CNIH3: variants seen among roughly 807,000 people sequenced by gnomAD.
The protein encoded by CNIH3 is protein cornichon homolog 3.
A neutral mutation model predicts 24.1 loss-of-function variants in CNIH3; 14 were observed. The observed-to-expected ratio is 0.58, with a 90% CI of 0.38 to 0.91. The LOEUF is 0.91. CNIH3 is among the 40% of genes least tolerant of loss of function. CNIH3 has a pLI of 0.00. For missense variants in CNIH3, 178 were observed against 196.8 expected, an observed-to-expected ratio of 0.90 and a Z score of 0.57; for synonymous variants, 68 against 73.8, an observed-to-expected ratio of 0.92 and a Z score of 0.40.
chr1:224,522,933 A>G (rs1390961697), intron 2 of CNIH3, among the ~76,000 whole-genome samples: 4 of 152,206 alleles, frequency 2.6e-5, no homozygotes, highest in Non-Finnish European at 5.9e-5. Flanking sequence ...TGTGTAAGAA[A>G]AAACACAAAA....
At chr1:224,685,587 CTACAGGCCA>C (rs376069660) in intron 3 of CNIH3, among the ~76,000 whole-genome samples, 16 of 152,324 alleles carry the variant, frequency 1.1e-4, no homozygotes, top group African/African-American at 3.6e-4. Flanking sequence ...AGTGGATGAA[CTACAGGCCA>C]TATGAAAGCC....
rs71572901 is a variant in CNIH3 at position 224,462,897 on chromosome 1, CTT to C, written n.203+28058_203+28059del. Among the ~76,000 whole-genome samples the C allele has an allele frequency of 8.2e-3, 600 of 73,420 alleles. 2 individuals carry two copies. The highest frequency in any genetic ancestry group is 0.024 in the East Asian group (50 of 2,106). The allele number at this position is 73,420 out of a possible 152,430, so 48.2% of individuals were successfully genotyped here. A position where few individuals can be genotyped will look rare whatever the true frequency, so the allele number is the denominator to read the frequency against. On this transcript the variant is annotated intron_variant and non_coding_transcript_variant, in intron 1 of 5. Transcript: ENST00000471578. ...CCTTGGTTTCCCAAAATATGTTTAACTTTTTTTTTTTTTTTTTTTTTTTTGAG... is the reference window on the plus strand; with the variant it reads ...CCTTGGTTTCCCAAAATATGTTTAACTTTTTTTTTTTTTTTTTTTTTTGAG...
At chr1:224,444,590 C>T (rs954839555) in intron 1 of CNIH3, among the ~76,000 whole-genome samples, 1 of 152,016 alleles carries the variant, frequency 6.6e-6, no homozygotes, top group African/African-American at 2.4e-5. Flanking sequence ...CCGTGTGATC[C>T]ACCCTCCTTG....
chr1:224,464,216 A>T (rs1676063172), intron 1 of CNIH3, among the ~76,000 whole-genome samples: 1 of 152,138 alleles, frequency 6.6e-6, no homozygotes, highest in South Asian at 2.1e-4. Context: ...TCTTTGCCCC[A>T]AGGCCACAAA....
intron 4 of CNIH3, among the ~76,000 whole-genome samples, chr1:224,569,501 G>A (rs1680725884): frequency 6.6e-6 from 1 of 152,136 alleles, no homozygotes; most frequent in Non-Finnish European, 1.5e-5. Context: ...TCTTGTATGA[G>A]TCCCTTTGTG....
intron 4 of CNIH3, among the ~76,000 whole-genome samples, chr1:224,581,217 G>A (rs754829899): frequency 6.6e-6 from 1 of 151,936 alleles, no homozygotes; most frequent in Non-Finnish European, 1.5e-5. Flanking sequence ...TTTGTTCTGG[G>A]GATTTAGGCT....
chr1:224,718,667 G>A (rs1688557757), intron 3 of CNIH3, among the ~76,000 whole-genome samples: 1 of 152,128 alleles, frequency 6.6e-6, no homozygotes, highest in Non-Finnish European at 1.5e-5. Flanking sequence ...GCAGGGACGG[G>A]GGATGAGAGG....
At chr1:224,683,793 C>G (rs115020118) in intron 2 of CNIH3, among the ~76,000 whole-genome samples, 1 of 152,162 alleles carries the variant, frequency 6.6e-6, no homozygotes. Context: ...GGAGCTAGTG[C>G]GTGTCTTGTA....
intron 4 of CNIH3, among the ~76,000 whole-genome samples, chr1:224,566,566 T>G (rs900920805): frequency 6.6e-6 from 1 of 152,120 alleles, no homozygotes; most frequent in Non-Finnish European, 1.5e-5. Context: ...TTCCCTTCCC[T>G]GTGTCTATGC....
intron 3 of CNIH3, among the ~76,000 whole-genome samples, chr1:224,559,743 A>G (rs10916639): frequency 0.22 from 33,512 of 152,084 alleles, 4,006 homozygotes; most frequent in South Asian, 0.36. Flanking sequence ...TGCATAAAAT[A>G]TGTTAGTAAA....
In CNIH3 at chr1:224,595,502, T is replaced by G. The variant is rs149252313; in HGVS notation, n.402+29238T>G. On this transcript the variant is annotated intron_variant and non_coding_transcript_variant, in intron 3 of 7. Coordinates refer to the CNIH3 transcript ENST00000478120. The stretch of plus-strand genomic sequence containing the variant: ...TGTCTCCTTTTCCTTGGACCTTTCT[T>G]TTCCTTGAAACACAATAATATTCAA... Among the ~76,000 whole-genome samples, 281 of 152,348 alleles carry G rather than the reference T, an allele frequency of 1.8e-3. 1 individual carries two copies. Among genetic ancestry groups the G allele is most frequent in the African/African-American group, 6.4e-3 (265 of 41,582 alleles).
intron 3 of CNIH3, among the ~76,000 whole-genome samples, chr1:224,685,839 T>C (rs1686628848): frequency 6.6e-6 from 1 of 152,186 alleles, no homozygotes; most frequent in Non-Finnish European, 1.5e-5. Flanking sequence ...GAATCCCATA[T>C]CTTGTATGAC....
chr1:224,564,773 T>G (rs1680512696), intron 3 of CNIH3, among the ~76,000 whole-genome samples: 2 of 152,246 alleles, frequency 1.3e-5, no homozygotes, highest in Admixed American at 1.3e-4. Flanking sequence ...TGGGTGGGAT[T>G]GTCCTGCTCT....
At chr1:224,734,111 G>A (rs536729410) in intron 4 of CNIH3, among the ~76,000 whole-genome samples, 1 of 152,354 alleles carries the variant, frequency 6.6e-6, no homozygotes, top group South Asian at 2.1e-4. Flanking sequence ...CCTGTAAACT[G>A]CTCTGCGCTC....
At chr1:224,461,792 AT>A (rs1174836029) in intron 1 of CNIH3, among the ~76,000 whole-genome samples, 1 of 152,192 alleles carries the variant, frequency 6.6e-6, no homozygotes, top group Non-Finnish European at 1.5e-5. Flanking sequence ...ATTAGCAGTC[AT>A]TTCCCATTCT....
At chr1:224,651,015 C>T (rs1684832743) in intron 1 of CNIH3, among the ~76,000 whole-genome samples, 1 of 151,952 alleles carries the variant, frequency 6.6e-6, no homozygotes. Flanking sequence ...CTCAGTTTTC[C>T]AGTAGATGGT....
intron 1 of CNIH3, among the ~76,000 whole-genome samples, chr1:224,662,511 G>A (rs1408078652): frequency 6.6e-5 from 10 of 152,066 alleles, no homozygotes; most frequent in Non-Finnish European, 1.5e-4. Context: ...GCCAAACTCT[G>A]ACACTTTAAA....
At chr1:224,566,228 C>T (rs1022590592) in exon 4 of CNIH3, 5 of 152,120 alleles carry the variant, frequency 3.3e-5, no homozygotes, top group African/African-American at 1.2e-4. Context: ...CAAAGCCAAA[C>T]TGGAGAGACC....
At chr1:224,529,146 C>A (rs1453469335) in intron 2 of CNIH3, 1 of 152,248 alleles carries the variant, frequency 6.6e-6, no homozygotes, top group Non-Finnish European at 1.5e-5. Context: ...TGGCCTCCTG[C>A]ATCTTGATTT....
Sources: gnomAD v4.1 joint callset for allele counts (sites outside exome capture counted in the v4.1 genomes callset) on GRCh38, gnomAD v4.1.1 for gene constraint, MANE v1.5 for transcripts, NCBI Gene and HGNC (gene_info 2026-07-23, HGNC 2026-07-21) for gene names.